The following IL7 variants were observed in gnomAD, a reference collection of about 807,000 sequenced individuals.
IL7 encodes the protein interleukin-7.
In IL7, 3 loss-of-function variants were observed where a neutral mutation model predicts 21.6. The observed-to-expected ratio is 0.14, with a 90% CI of 0.06 to 0.36. The LOEUF (loss-of-function observed/expected upper bound fraction) is 0.36, where lower values mean the gene tolerates loss of function less well. Among genes scored for constraint, IL7 ranks in the 10% least tolerant of loss-of-function variants. The pLI, the probability that IL7 is intolerant of heterozygous loss-of-function variation, is 1.00. For synonymous variants in IL7, 62 were observed against 68.1 expected, an observed-to-expected ratio of 0.91 and a Z score of 0.44; for missense variants, 175 against 200.2, an observed-to-expected ratio of 0.87 and a Z score of 0.76.
At chr8:78,760,924 C>T in intron 2 of IL7, 2 of 1,557,750 alleles carry the variant, frequency 1.3e-6, no homozygotes, top group African/African-American at 2.7e-5. Flanking sequence ...AGGTTTGCCC[C>T]TGGAGGTTTT....
chr8:78,686,474 C>T, intron 3 of IL7: 1 of 1,472,102 alleles, frequency 6.8e-7, no homozygotes, highest in Non-Finnish European at 9.0e-7. Flanking sequence ...TAGCCAGAAC[C>T]ACCAAAGAAA....
rs1268239606 is a variant in IL7, at chr8:78,766,225, G to C, written c.148-26143C>G. 2.6e-5 allele frequency among the ~76,000 whole-genome samples: 4 copies of C among 152,232 alleles called. No homozygotes were observed. The East Asian group carries it at 7.7e-4, about 29-fold the overall frequency. On this transcript the variant is annotated intron_variant, in intron 2 of 5. Coordinates refer to ENST00000263851, the MANE Select transcript of IL7 (RefSeq NM_000880.4). ...CAAAGAATGAACAGTGAAGTTGTTA[G>C]GAGAGTGAAACTATTCTGTAATATA...
At chr8:78,675,359 T>C (rs1585977513), downstream of IL7, among the ~76,000 whole-genome samples, 1 of 152,156 alleles carries the variant, frequency 6.6e-6, no homozygotes, top group Middle Eastern at 3.4e-3. Flanking sequence ...CGTTTTATTC[T>C]AGATTCTTCA....
chr8:78,801,314 T>C (rs867548951), intron 1 of IL7, among the ~76,000 whole-genome samples: 1 of 152,220 alleles, frequency 6.6e-6, no homozygotes, highest in South Asian at 2.1e-4. Context: ...CTTTACCCTT[T>C]GTCTATGCCA....
intron 2 of IL7, among the ~76,000 whole-genome samples, chr8:78,781,849 G>A (rs1813342245): frequency 1.3e-5 from 2 of 152,072 alleles, no homozygotes; most frequent in Admixed American, 6.6e-5. Flanking sequence ...TCTCTTTCAC[G>A]TACCCCAATC....
intron 3 of IL7, among the ~76,000 whole-genome samples, chr8:78,702,235 T>A (rs1006097457): frequency 6.6e-6 from 1 of 152,186 alleles, no homozygotes; most frequent in African/African-American, 2.4e-5. Flanking sequence ...CCATTTCTTC[T>A]AGATTTTCTA....
intron 2 of IL7, among the ~76,000 whole-genome samples, chr8:78,782,976 C>A (rs1280866530): frequency 6.6e-6 from 1 of 152,188 alleles, no homozygotes; most frequent in Non-Finnish European, 1.5e-5. Context: ...TCTGCCACAG[C>A]TGCTGTGTTG....
At chr8:78,686,215 A>C (rs1809964949) in intron 3 of IL7, among the ~76,000 whole-genome samples, 1 of 152,174 alleles carries the variant, frequency 6.6e-6, no homozygotes, top group African/African-American at 2.4e-5. Context: ...GAGGATAAAT[A>C]GATGTAACAC....
At chr8:78,699,971 G>A (rs1458145279) in intron 3 of IL7, among the ~76,000 whole-genome samples, 1 of 152,020 alleles carries the variant, frequency 6.6e-6, no homozygotes, top group Admixed American at 6.6e-5. Flanking sequence ...ATTCTTCTGG[G>A]TATATACTCA....
intron 3 of IL7, among the ~76,000 whole-genome samples, chr8:78,709,769 G>C (rs766647946): frequency 3.3e-5 from 5 of 151,774 alleles, no homozygotes; most frequent in African/African-American, 7.3e-5. Flanking sequence ...TTACGAATTT[G>C]TATAGGGCCC....
chr8:78,763,700 A>C (rs1419124799), intron 2 of IL7, among the ~76,000 whole-genome samples: 12 of 152,204 alleles, frequency 7.9e-5, no homozygotes, highest in Admixed American at 7.9e-4. Context: ...AAAACAAAAA[A>C]TACTAATCCC....
chr8:78,688,976 T>C (rs1810116366), intron 3 of IL7, among the ~76,000 whole-genome samples: 1 of 152,026 alleles, frequency 6.6e-6, no homozygotes. Context: ...TTTTGTTTTT[T>C]TTCCTTCACA....
intron 2 of IL7, among the ~76,000 whole-genome samples, chr8:78,780,295 G>T (rs936266192): frequency 6.6e-6 from 1 of 151,840 alleles, no homozygotes; most frequent in Admixed American, 6.6e-5. Flanking sequence ...TTTGCCCTTG[G>T]TTCTCTAGTT....
chr8:78,783,346 G>A (rs1178384683), intron 2 of IL7, among the ~76,000 whole-genome samples: 1 of 152,174 alleles, frequency 6.6e-6, no homozygotes, highest in Non-Finnish European at 1.5e-5. Flanking sequence ...GCTGGGGATG[G>A]GAGTCCCACT....
chr8:78,766,887 TG>T (rs1812771882), intron 2 of IL7, among the ~76,000 whole-genome samples: 1 of 152,136 alleles, frequency 6.6e-6, no homozygotes, highest in Non-Finnish European at 1.5e-5. Context: ...AAATAATTTG[TG>T]CTTCTACCAG....
Position 78,733,794 on chromosome 8 carries a change from A to G in IL7, c.453T>C (p.Asn151=). The G allele has an allele frequency of 6.3e-7, 1 of 1,589,220 alleles. No individual in the cohort carries two copies. The highest frequency in any genetic ancestry group is 8.6e-7 in the Non-Finnish European group (1 of 1,168,434). ...NKSLKEQKKL[N]DLCFLKRLLQ... ...ATAGTCTCTTTAGGAAACACAAGTCATTCAGTTTTTTCTGTTCCTTTAAAG... is the reference window on the plus strand; with the variant it reads ...ATAGTCTCTTTAGGAAACACAAGTCGTTCAGTTTTTTCTGTTCCTTTAAAG... The change falls in exon 6 of 6, where the codon AAT becomes AAC. Residue 151 remains asparagine, a synonymous_variant. Coordinates refer to ENST00000263851, the MANE Select transcript of IL7 (RefSeq NM_000880.4).
intron 2 of IL7, among the ~76,000 whole-genome samples, chr8:78,742,595 T>G (rs1811828512): frequency 6.6e-6 from 1 of 152,210 alleles, no homozygotes; most frequent in Non-Finnish European, 1.5e-5. Context: ...ATACACTTAA[T>G]TACATACAAA....
At chr8:78,678,545 A>G (rs1273568360) in intron 4 of IL7, 14 of 1,581,384 alleles carry the variant, frequency 8.9e-6, no homozygotes, top group Non-Finnish European at 1.1e-5. Flanking sequence ...GATAGGCTGC[A>G]TTTCTTTATC....
intron 2 of IL7, among the ~76,000 whole-genome samples, chr8:78,742,671 C>T (rs1203661119): frequency 2.0e-5 from 3 of 152,132 alleles, no homozygotes; most frequent in Non-Finnish European, 2.9e-5. Flanking sequence ...TTTATCTTTA[C>T]AGTGAGTTAT....
Sources: allele counts gnomAD v4.1 joint callset (sites outside exome capture counted in the v4.1 genomes callset), GRCh38; gene constraint gnomAD v4.1.1; transcripts MANE v1.5; gene names NCBI Gene and HGNC (gene_info 2026-07-23, HGNC 2026-07-21).